Variants in TEKT1 observed in about 807,000 individuals in gnomAD.
TEKT1 encodes the protein tektin 1.
Under a neutral mutation model 34.8 loss-of-function variants are expected in TEKT1, and 32 were observed. That is an observed-to-expected ratio of 0.92 (90% CI 0.69 to 1.23). The LOEUF is 1.23. Among genes scored for constraint, TEKT1 ranks in the 50% most tolerant of loss-of-function variants. TEKT1 has a pLI of 0.00. For synonymous variants in TEKT1, 207 were observed against 199.8 expected (o/e 1.04, Z -0.30); for missense variants, 492 against 518.5 (o/e 0.95, Z 0.50).
At chr17:6,815,429 C>T in intron 4 of TEKT1, 123 bp from the exon 5 acceptor site, 3 of 1,116,310 alleles carry the variant, frequency 2.7e-6, no homozygotes, top group Non-Finnish European at 4.1e-6. Context: ...GTACTGCCCC[C>T]CACCCATCAC....
At chr17:6,808,247 G>T (rs963224601) in intron 6 of TEKT1, among the ~76,000 whole-genome samples, 1 of 152,310 alleles carries the variant, frequency 6.6e-6, no homozygotes, top group East Asian at 1.9e-4. Flanking sequence ...AGGCTCCGTG[G>T]GTGTAGGACC....
At chr17:6,830,105 C>G in intron 2 of TEKT1, 82 bp downstream of exon 2, 1 of 1,329,984 alleles carries the variant, frequency 7.5e-7, no homozygotes, top group Non-Finnish European at 1.0e-6. Flanking sequence ...TAATATGTTG[C>G]CACATCTGAA....
intron 6 of TEKT1, among the ~76,000 whole-genome samples, chr17:6,807,234 A>G (rs1207593802): frequency 2.0e-5 from 3 of 152,120 alleles, no homozygotes; most frequent in Non-Finnish European, 4.4e-5. Context: ...TCCATCACTG[A>G]TACCCTTTCT....
intron 5 of TEKT1, among the ~76,000 whole-genome samples, chr17:6,814,221 T>C (rs1976971427): frequency 1.3e-5 from 2 of 152,190 alleles, no homozygotes; most frequent in Non-Finnish European, 2.9e-5. Flanking sequence ...AACCATGAGA[T>C]AATACATGTT....
Position 6,813,369 on chromosome 17 carries a change from C to A in TEKT1, c.630-316G>T, listed in dbSNP as rs1976955012. Among the ~76,000 whole-genome samples the A allele has an allele frequency of 4.6e-5, 7 of 152,206 alleles. No homozygotes were observed. In the South Asian group the frequency reaches 1.5e-3, roughly 32 times the overall value. On this transcript the variant is annotated intron_variant, in intron 5 of 7. Transcript: ENST00000338694. ...AAATGAAGTAACTTGGGTGAGATTG[C>A]TCAGCTAGAGATAATTTGAGCATCA...
intron 3 of TEKT1, 127 bp from the exon 4 acceptor site, chr17:6,816,089 C>T: frequency 7.6e-7 from 1 of 1,313,864 alleles, no homozygotes; most frequent in Non-Finnish European, 1.0e-6. Flanking sequence ...CATCCGATGA[C>T]ACAGTGGGTG....
At chr17:6,829,548 A>T (rs1305017006) in intron 2 of TEKT1, among the ~76,000 whole-genome samples, 3 of 131,290 alleles carry the variant, frequency 2.3e-5, no homozygotes, top group Admixed American at 1.7e-4. Context: ...GGGTCTTGGT[A>T]TATCACCCAG....
intron 6 of TEKT1, among the ~76,000 whole-genome samples, chr17:6,802,640 A>G (rs1182239963): frequency 1.0e-5 from 1 of 95,278 alleles, no homozygotes; most frequent in African/African-American, 3.8e-5. Context: ...CCCTCCCCCA[A>G]CCCCACAACA....
intron 2 of TEKT1, among the ~76,000 whole-genome samples, chr17:6,827,967 C>CA (rs1904457974): frequency 7.4e-6 from 1 of 134,890 alleles, no homozygotes; most frequent in Middle Eastern, 4.1e-3. Flanking sequence ...TGTTTTGAGA[C>CA]AGAGTCTCAC....
At position 6,811,454 on chromosome 17, in the gene TEKT1, A is replaced by G. The variant is rs11870404; in HGVS notation, c.852+1377T>C. On this transcript the variant is annotated intron_variant, in intron 6 of 7. Transcript: ENST00000338694. The surrounding 1 kb of genome is among the most constrained non-coding windows in gnomAD (Gnocchi z 4.4). ...CAAGGAGGAAACTAAGGAACAGGGGAGTTCAGGGTCTCCCTAAGGTCACAC... is the reference window on the plus strand; with the variant it reads ...CAAGGAGGAAACTAAGGAACAGGGGGGTTCAGGGTCTCCCTAAGGTCACAC... Among the ~76,000 whole-genome samples, 13,227 of 151,928 alleles carry G rather than the reference A, an allele frequency of 0.087. 673 individuals carry two copies. Among genetic ancestry groups the G allele is most frequent in the Middle Eastern group, 0.18 (54 of 292 alleles).
At chr17:6,801,069 GC>G in intron 6 of TEKT1, 126 bp from the exon 7 acceptor site, 1 of 899,186 alleles carries the variant, frequency 1.1e-6, no homozygotes, top group Non-Finnish European at 1.7e-6. Flanking sequence ...TAAGCAGCAT[GC>G]CAGAGTCTGA....
chr17:6,810,066 C>G (rs1440675808), intron 6 of TEKT1, among the ~76,000 whole-genome samples: 6 of 152,220 alleles, frequency 3.9e-5, no homozygotes, highest in African/African-American at 1.4e-4. Context: ...CTGCCACCCT[C>G]TCTTCCAAAG....
chr17:6,817,833 C>G (rs1567680175), intron 3 of TEKT1, among the ~76,000 whole-genome samples: 1 of 152,198 alleles, frequency 6.6e-6, no homozygotes, highest in Non-Finnish European at 1.5e-5. Context: ...AAAGCATAAG[C>G]TACAGTACCT....
intron 5 of TEKT1, 68 bp from the exon 6 acceptor site, chr17:6,813,121 C>T (rs1388495859): frequency 1.1e-5 from 14 of 1,304,088 alleles, no homozygotes; most frequent in Admixed American, 3.8e-5. Context: ...GAGAGAGGGA[C>T]GAGCTACACC....
chr17:6,826,799 C>T (rs67479566), intron 2 of TEKT1, among the ~76,000 whole-genome samples: 32,944 of 151,426 alleles, frequency 0.22, 3,860 homozygotes, highest in East Asian at 0.3. Context: ...GAGTTCACGC[C>T]ATTCTCCTGC....
intron 2 of TEKT1, among the ~76,000 whole-genome samples, chr17:6,821,017 C>A (rs1977081125): frequency 6.6e-6 from 1 of 152,118 alleles, no homozygotes; most frequent in South Asian, 2.1e-4. Flanking sequence ...CTTCTAATTT[C>A]CAGAGTTTCT....
chr17:6,808,413 C>T (rs1007349230), intron 6 of TEKT1, among the ~76,000 whole-genome samples: 11 of 152,206 alleles, frequency 7.2e-5, no homozygotes, highest in Non-Finnish European at 1.5e-4. Flanking sequence ...CCTTGCACTT[C>T]CCGGGTGAGG....
In TEKT1 at chr17:6,817,433, A is replaced by G. The variant is rs1274168388; in HGVS notation, c.357-1471T>C. ...ATAACTATTAATAATAATAACACCA[A>G]TAGTAATATTGCCTCTGCCAGTGAG... On this transcript the variant is annotated intron_variant, in intron 3 of 7. Coordinates refer to ENST00000338694, the MANE Select transcript of TEKT1 (RefSeq NM_053285.2). 2.0e-5 allele frequency among the ~76,000 whole-genome samples: 3 copies of G among 152,270 alleles called. No homozygotes were observed. The South Asian group carries it at 6.2e-4, about 32-fold the overall frequency.
chr17:6,800,860 C>A lies in TEKT1; in HGVS notation c.936G>T (p.Val312=). 6.2e-7 allele frequency: 1 copy of A among 1,614,170 alleles called. No homozygotes were observed. The highest frequency in any genetic ancestry group is 8.5e-7 in the Non-Finnish European group (1 of 1,180,030). Residue 312 remains valine, a synonymous_variant, in exon 7 of 8, where the codon GTG becomes GTT. Coordinates refer to ENST00000338694, the MANE Select transcript of TEKT1 (RefSeq NM_053285.2). The part of the protein sequence containing the change: ...AILDQEGPAK[V]AHTRLETRTH... ...TCCTGGTCTCCAAGCGCGTATGAGC[C>A]ACCTTGGCTGGCCCTTCTTGGTCAA...
Sources: allele counts gnomAD v4.1 joint callset (sites outside exome capture counted in the v4.1 genomes callset), GRCh38; gene constraint gnomAD v4.1.1; non-coding constraint Gnocchi (gnomAD v3.1); transcripts MANE v1.5; gene names NCBI Gene and HGNC (gene_info 2026-07-23, HGNC 2026-07-21).